The following PDK1 variants were observed in gnomAD, a reference collection of about 807,000 sequenced individuals.
The protein encoded by PDK1 is [Pyruvate dehydrogenase (acetyl-transferring)] kinase isozyme 1, mitochondrial.
PDK1 carries 39 observed loss-of-function variants against 54.2 expected under a neutral mutation model. The ratio of observed to expected loss-of-function variants is 0.72; its 90% CI spans 0.56 to 0.94. The LOEUF (loss-of-function observed/expected upper bound fraction) is 0.94, where lower values mean the gene tolerates loss of function less well. Ranked by LOEUF, PDK1 falls within the 40% of genes least tolerant of loss-of-function variation. PDK1 has a pLI of 0.00. For missense variants in PDK1, 552 were observed against 566.0 expected (o/e 0.98, Z 0.25); for synonymous variants, 221 against 207.1 (o/e 1.07, Z -0.58).
At chr2:172,557,628 T>C (rs1457102900) in intron 1 of PDK1, among the ~76,000 whole-genome samples, 14 of 151,236 alleles carry the variant, frequency 9.3e-5, no homozygotes, top group Admixed American at 4.6e-4. Context: ...TGTGTGTGTG[T>C]GTGTGTGTGT....
chr2:172,647,727 G>C, the PDK1 span, among the ~76,000 whole-genome samples: 6 of 152,224 alleles, frequency 3.9e-5, no homozygotes, highest in Non-Finnish European at 8.8e-5. Context: ...TTGCAGGCAA[G>C]ATCCATTGAT....
the PDK1 span, among the ~76,000 whole-genome samples, chr2:172,621,728 T>C: frequency 6.9e-6 from 1 of 145,570 alleles, no homozygotes; most frequent in Admixed American, 6.9e-5. Flanking sequence ...TATATGTTTA[T>C]ATCTCATATA....
the PDK1 span, among the ~76,000 whole-genome samples, chr2:172,629,615 G>A: frequency 1.3e-5 from 2 of 152,306 alleles, no homozygotes; most frequent in African/African-American, 4.8e-5. Context: ...ATTTGTTCGT[G>A]TGACCTGATT....
At chr2:172,561,005 A>G (rs1388067282) in intron 2 of PDK1, among the ~76,000 whole-genome samples, 1 of 152,244 alleles carries the variant, frequency 6.6e-6, no homozygotes, top group African/African-American at 2.4e-5. Context: ...ATCGCAATTT[A>G]AAAAAGCAAA....
At chr2:172,669,250 G>A in the PDK1 span, among the ~76,000 whole-genome samples, 8,501 of 117,446 alleles carry the variant, frequency 0.072, 989 homozygotes, top group East Asian at 0.55. Context: ...TAGTAGAGAC[G>A]GGGTTTCACC....
intron 9 of PDK1, among the ~76,000 whole-genome samples, chr2:172,588,397 T>G (rs1690380119): frequency 6.6e-6 from 1 of 152,198 alleles, no homozygotes; most frequent in South Asian, 2.1e-4. Context: ...ATTATTGACC[T>G]CTGGATGCCA....
In PDK1 at chr2:172,558,844, A is replaced by T. The variant is rs150453953; in HGVS notation, c.333A>T (p.Gln111His). ...GGACACCATCCGTTCAATTGGTACAAAGCTGGTAAGATTCTCATCTTGTGT... is the reference window on the plus strand; with the variant it reads ...GGACACCATCCGTTCAATTGGTACATAGCTGGTAAGATTCTCATCTTGTGT... Reference protein sequence around the residue: ...LLRTPSVQLVQSWYIQSLQEL... With the variant: ...LLRTPSVQLVHSWYIQSLQEL... Residue 111 changes from glutamine to histidine, a missense_variant, in exon 2 of 11, where the codon CAA becomes CAT. Coordinates refer to ENST00000282077, the MANE Select transcript of PDK1 (RefSeq NM_002610.5). The T allele has an allele frequency of 5.0e-6, 8 of 1,609,784 alleles. No homozygotes were observed. In the South Asian group the frequency reaches 8.9e-5, roughly 18 times the overall value.
At chr2:172,624,345 G>C in the PDK1 span, among the ~76,000 whole-genome samples, 1 of 152,176 alleles carries the variant, frequency 6.6e-6, no homozygotes, top group Non-Finnish European at 1.5e-5. Context: ...TGAGCAGCAG[G>C]CAAGTGAGTG....
At chr2:172,562,825 A>AC in intron 3 of PDK1, 1 of 1,607,508 alleles carries the variant, frequency 6.2e-7, no homozygotes, top group South Asian at 1.1e-5. Flanking sequence ...AATGTTAATA[A>AC]CCCATATACC....
chr2:172,574,455 A>G (rs974122465), intron 8 of PDK1, among the ~76,000 whole-genome samples: 4 of 152,194 alleles, frequency 2.6e-5, no homozygotes, highest in Middle Eastern at 3.2e-3. Context: ...TTTCTGCAAA[A>G]AAACAATGCC....
At chr2:172,560,642 T>G (rs1209446528) in intron 2 of PDK1, among the ~76,000 whole-genome samples, 2 of 152,214 alleles carry the variant, frequency 1.3e-5, no homozygotes, top group Non-Finnish European at 2.9e-5. Flanking sequence ...TTTAATAAAC[T>G]GTGTTTATTG....
chr2:172,716,629 T>G, the PDK1 span, among the ~76,000 whole-genome samples: 1 of 152,188 alleles, frequency 6.6e-6, no homozygotes, highest in Non-Finnish European at 1.5e-5. Context: ...CAGGCCTAAG[T>G]TGGCCTAATT....
chr2:172,707,699 T>C, the PDK1 span, among the ~76,000 whole-genome samples: 4 of 152,146 alleles, frequency 2.6e-5, no homozygotes, highest in Non-Finnish European at 5.9e-5. Context: ...GGGTTATACA[T>C]AGAGGGAGGA....
At chr2:172,701,675 G>A in the PDK1 span, among the ~76,000 whole-genome samples, 1 of 142,762 alleles carries the variant, frequency 7.0e-6, no homozygotes, top group South Asian at 2.3e-4. Flanking sequence ...GAACATGAGG[G>A]TTCTATTTCT....
the PDK1 span, among the ~76,000 whole-genome samples, chr2:172,659,523 A>G: frequency 6.6e-6 from 1 of 152,172 alleles, no homozygotes; most frequent in African/African-American, 2.4e-5. Flanking sequence ...TCTTATGTCA[A>G]TTTAATTCTC....
the PDK1 span, among the ~76,000 whole-genome samples, chr2:172,663,691 G>A: frequency 2.0e-5 from 3 of 152,122 alleles, no homozygotes; most frequent in Non-Finnish European, 4.4e-5. Flanking sequence ...TGGCCCCTCC[G>A]CTTCTTGGGT....
chr2:172,643,228 ACT>A, the PDK1 span, among the ~76,000 whole-genome samples: 2 of 152,154 alleles, frequency 1.3e-5, no homozygotes, highest in Non-Finnish European at 2.9e-5. Flanking sequence ...TGAAAAGGTG[ACT>A]GTTAGCTATT....
chr2:172,573,507 A>G (rs745780235), intron 8 of PDK1, among the ~76,000 whole-genome samples: 4 of 151,430 alleles, frequency 2.6e-5, no homozygotes, highest in Non-Finnish European at 5.9e-5. Context: ...ATGTGTGTGT[A>G]TATATATACA....
At chr2:172,699,527 T>C in the PDK1 span, among the ~76,000 whole-genome samples, 1 of 150,282 alleles carries the variant, frequency 6.7e-6, no homozygotes, top group South Asian at 2.1e-4. Context: ...TTAAAAGTAG[T>C]GCACTGGATT....
Sources: gnomAD v4.1 joint callset for allele counts (sites outside exome capture counted in the v4.1 genomes callset) on GRCh38, gnomAD v4.1.1 for gene constraint, MANE v1.5 for transcripts, NCBI Gene and HGNC (gene_info 2026-07-23, HGNC 2026-07-21) for gene names.